The following TRAPPC9 variants were observed in gnomAD, a reference collection of about 807,000 sequenced individuals.
The protein encoded by TRAPPC9 is trafficking protein particle complex subunit 9, also known as IKK2 binding protein.
Under a neutral mutation model 124.0 loss-of-function variants are expected in TRAPPC9, and 83 were observed. The observed-to-expected ratio is 0.67, with a 90% confidence interval of 0.56 to 0.80. TRAPPC9 has a LOEUF of 0.80. Ranked by LOEUF, TRAPPC9 falls within the 30% of genes least tolerant of loss-of-function variation. The pLI, the probability that TRAPPC9 is intolerant of heterozygous loss-of-function variation, is 0.00. For synonymous variants in TRAPPC9, 638 were observed against 617.5 expected, an observed-to-expected ratio of 1.03 and a Z score of -0.49; for missense variants, 1,302 against 1,508.3, an observed-to-expected ratio of 0.86 and a Z score of 2.27.
chr8:140,084,533 C>G (rs1448129924), intron 17 of TRAPPC9, among the ~76,000 whole-genome samples: 4 of 152,204 alleles, frequency 2.6e-5, no homozygotes, highest in Admixed American at 2.6e-4. Flanking sequence ...CTGACCCAAG[C>G]CTACCTTTCT....
chr8:139,757,461 C>T (rs532401475), intron 21 of TRAPPC9, among the ~76,000 whole-genome samples: 1 of 151,162 alleles, frequency 6.6e-6, no homozygotes, highest in African/African-American at 2.4e-5. Flanking sequence ...ATGAGGACAG[C>T]AGGTCGCAGG....
At position 139,988,724 on chromosome 8, in the gene TRAPPC9, A is replaced by G; in HGVS notation, c.2810+2T>C. ...CGGCGCGAGGGTCTATGGGACACTT[A>G]CCGCTGGCACTCACCGGCGTGCAGG... is the stretch of plus-strand genomic sequence containing the variant. On this transcript the variant is annotated splice_donor_variant, in intron 19 of 22. Transcript: ENST00000438773. LOFTEE classifies it high-confidence loss of function. 6.5e-7 allele frequency: 1 copy of G among 1,546,560 alleles called. No homozygotes were observed. The highest frequency in any genetic ancestry group is 8.7e-7 in the Non-Finnish European group (1 of 1,143,794).
chr8:140,336,621 C>T (rs1272501988), intron 9 of TRAPPC9, among the ~76,000 whole-genome samples: 3 of 152,166 alleles, frequency 2.0e-5, no homozygotes, highest in Non-Finnish European at 2.9e-5. Context: ...AAACTTTTAA[C>T]ACATTTTCTT....
At position 140,221,533 on chromosome 8, in the gene TRAPPC9, C is replaced by CGACCTGCCGAAA; in HGVS notation, c.2470_2481dup (p.Phe824_Val827dup). ...GGTTTGCCCTCCACTCGGGGCCGAA[C>CGACCTGCCGAAA]GACCTGCCGAAAAGGACTGGACAGG... On this transcript the variant is annotated inframe_insertion, in exon 17 of 23. Coordinates refer to ENST00000438773, the MANE Select transcript of TRAPPC9 (RefSeq NM_001160372.4). 6.2e-7 allele frequency: 1 copy of CGACCTGCCGAAA among 1,614,134 alleles called. No homozygotes were observed.
chr8:139,954,281 A>T (rs7815517), intron 19 of TRAPPC9, among the ~76,000 whole-genome samples: 45,238 of 152,018 alleles, frequency 0.3, 7,077 homozygotes, highest in East Asian at 0.63. Context: ...TGTAGTTTTT[A>T]GTATGTCAAT....
chr8:140,005,908 T>TAA (rs757182607), intron 18 of TRAPPC9, among the ~76,000 whole-genome samples: 2 of 104,222 alleles, frequency 1.9e-5, no homozygotes. Context: ...AGACCCTGTC[T>TAA]AAAAAAAAAA....
intron 17 of TRAPPC9, among the ~76,000 whole-genome samples, chr8:140,160,950 G>A (rs1178024237): frequency 5.3e-5 from 8 of 152,120 alleles, no homozygotes; most frequent in Non-Finnish European, 1.0e-4. Flanking sequence ...GCTATGCATC[G>A]CAGAATGTTT....
chr8:140,033,579 CTCCAAAAAGTTAGAATACAAAATT>C (rs1840636965), intron 17 of TRAPPC9, among the ~76,000 whole-genome samples: 1 of 145,126 alleles, frequency 6.9e-6, no homozygotes, highest in South Asian at 2.2e-4. Context: ...CCAGGGAAAT[CTCCAAAAAGTTAGAATACAAAATT>C]TGTCCATTTC....
chr8:140,025,915 T>TC (rs1343946877), intron 17 of TRAPPC9, among the ~76,000 whole-genome samples: 1 of 152,196 alleles, frequency 6.6e-6, no homozygotes, highest in Admixed American at 6.5e-5. Context: ...ACTCATTCTG[T>TC]CTATCAACCA....
intron 20 of TRAPPC9, among the ~76,000 whole-genome samples, chr8:139,909,922 G>A (rs985615108): frequency 2.0e-5 from 3 of 152,196 alleles, no homozygotes; most frequent in Non-Finnish European, 4.4e-5. Context: ...CACCGGCTCC[G>A]AGAAGACCTT....
chr8:139,832,456 C>T (rs1179815666), intron 21 of TRAPPC9, among the ~76,000 whole-genome samples: 1 of 152,202 alleles, frequency 6.6e-6, no homozygotes, highest in Non-Finnish European at 1.5e-5. Flanking sequence ...GCAGGTATGG[C>T]CCGAAGCAGG....
At chr8:139,966,779 C>A (rs1424678313) in intron 19 of TRAPPC9, among the ~76,000 whole-genome samples, 1 of 152,170 alleles carries the variant, frequency 6.6e-6, no homozygotes, top group African/African-American at 2.4e-5. Context: ...ATGCTGAGTA[C>A]ACACGTGCAT....
intron 19 of TRAPPC9, among the ~76,000 whole-genome samples, chr8:139,972,500 C>T (rs766454212): frequency 8.5e-5 from 13 of 152,174 alleles, no homozygotes; most frequent in East Asian, 1.9e-4. Context: ...GGGGAGGCTA[C>T]GCCACAGAAC....
rs141857292 is a variant in TRAPPC9 at position 139,823,624 on chromosome 8, C to T, written c.3055+62255G>A. On this transcript the variant is annotated intron_variant, in intron 21 of 22. Transcript: ENST00000438773. ...GCTGCCATGCCCAGGAAGAGGGATG[C>T]ACGGGGGTCTCTCCCAGGTGGAAAC... is the stretch of plus-strand genomic sequence containing the variant. Among the ~76,000 whole-genome samples, 353 of 152,252 alleles carry T rather than the reference C, an allele frequency of 2.3e-3. 2 individuals carry two copies. The highest frequency in any genetic ancestry group is 7.8e-3 in the African/African-American group (323 of 41,558).
At chr8:139,828,827 G>A (rs1180355040) in intron 21 of TRAPPC9, among the ~76,000 whole-genome samples, 1 of 152,178 alleles carries the variant, frequency 6.6e-6, no homozygotes, top group Non-Finnish European at 1.5e-5. Flanking sequence ...ATCTCAGCAT[G>A]AAACCAATGA....
At chr8:140,394,520 G>A (rs2069029972) in intron 7 of TRAPPC9, among the ~76,000 whole-genome samples, 1 of 152,224 alleles carries the variant, frequency 6.6e-6, no homozygotes, top group Admixed American at 6.5e-5. Context: ...AGGTTATGCA[G>A]CGAACAGGTG....
intron 17 of TRAPPC9, among the ~76,000 whole-genome samples, chr8:140,140,173 T>C (rs924368517): frequency 5.9e-5 from 9 of 152,174 alleles, no homozygotes; most frequent in Middle Eastern, 3.2e-3. Context: ...ACTCATCCCA[T>C]AGTCTTTGAT....
At chr8:140,059,657 T>C (rs1403775523) in intron 17 of TRAPPC9, among the ~76,000 whole-genome samples, 2 of 152,198 alleles carry the variant, frequency 1.3e-5, no homozygotes, top group Non-Finnish European at 2.9e-5. Context: ...TGACTTGAAT[T>C]TCCCTGAAAA....
chr8:140,274,388 G>A (rs111508811), intron 15 of TRAPPC9, among the ~76,000 whole-genome samples: 2,762 of 152,284 alleles, frequency 0.018, 86 homozygotes, highest in African/African-American at 0.06. Flanking sequence ...CTCCAGCCCC[G>A]TGACCATGCA....
Sources: gnomAD v4.1 joint callset for allele counts (sites outside exome capture counted in the v4.1 genomes callset) on GRCh38, gnomAD v4.1.1 for gene constraint, MANE v1.5 for transcripts, NCBI Gene and HGNC (gene_info 2026-07-23, HGNC 2026-07-21) for gene names.